NEBL: variants seen among roughly 807,000 people sequenced by gnomAD.
The protein encoded by NEBL is nebulette.
In NEBL, 122 loss-of-function variants were observed where a neutral mutation model predicts 140.2. The observed-to-expected ratio is 0.87, with a 90% CI of 0.75 to 1.01. The LOEUF (loss-of-function observed/expected upper bound fraction) is 1.01, where lower values mean the gene tolerates loss of function less well. Ranked by LOEUF, NEBL falls within the 50% of genes least tolerant of loss-of-function variation. The pLI, the probability that NEBL is intolerant of heterozygous loss-of-function variation, is 0.00. For missense variants in NEBL, 1,365 were observed against 1,231.3 expected, an observed-to-expected ratio of 1.11 and a Z score of -1.62; for synonymous variants, 436 against 398.9, an observed-to-expected ratio of 1.09 and a Z score of -1.11.
intron 2 of NEBL, among the ~76,000 whole-genome samples, chr10:21,049,070 T>A (rs1834648495): frequency 6.6e-6 from 1 of 151,702 alleles, no homozygotes; most frequent in South Asian, 2.1e-4. Context: ...TTGCAAGAAC[T>A]TAATCTCTTT....
chr10:21,091,190 G>C (rs1004481889), intron 2 of NEBL, among the ~76,000 whole-genome samples: 1 of 152,100 alleles, frequency 6.6e-6, no homozygotes, highest in African/African-American at 2.4e-5. Flanking sequence ...AAACAAGTTC[G>C]TGTTTCACAT....
At chr10:21,238,859 G>GTGTGTC (rs1335375840) in intron 3 of NEBL, among the ~76,000 whole-genome samples, 1 of 151,920 alleles carries the variant, frequency 6.6e-6, no homozygotes, top group Admixed American at 6.6e-5. Context: ...ACTTTTCAAG[G>GTGTGTC]TGTGTCTGAT....
intron 2 of NEBL, among the ~76,000 whole-genome samples, chr10:21,122,238 C>G (rs960505210): frequency 3.3e-5 from 5 of 152,126 alleles, no homozygotes; most frequent in African/African-American, 1.2e-4. Context: ...GTTGGCCAGG[C>G]TGGTCTCAAA....
intron 4 of NEBL, among the ~76,000 whole-genome samples, chr10:20,907,637 T>C (rs16921240): frequency 0.09 from 13,655 of 152,226 alleles, 835 homozygotes; most frequent in East Asian, 0.16. Context: ...AGGAAGTATA[T>C]GAGATTTTTA....
chr10:21,290,213 A>G (rs1843123904), intron 1 of NEBL, among the ~76,000 whole-genome samples: 1 of 152,236 alleles, frequency 6.6e-6, no homozygotes, highest in Admixed American at 6.5e-5. Context: ...CAGCATAGAC[A>G]GTCTATCCAC....
chr10:21,126,025 C>G (rs1838812102), intron 2 of NEBL: 1 of 1,614,206 alleles, frequency 6.2e-7, no homozygotes, highest in Non-Finnish European at 8.5e-7. Flanking sequence ...CCGCAGCCAC[C>G]TGGCAAGCGT....
chr10:21,233,622 ATATC>A (rs1317227795), intron 3 of NEBL, among the ~76,000 whole-genome samples: 9 of 145,776 alleles, frequency 6.2e-5, no homozygotes, highest in African/African-American at 1.0e-4. Flanking sequence ...ATATAGATAT[ATATC>A]TATATAGAGA....
chr10:20,785,039 G>A lies in NEBL; in HGVS notation c.*708C>T, dbSNP rs140281057. ...ATGACATTATAATTTGCCCTTTGCAGAGTAGCTGTGAAGTTATTTGGTCCT... is the reference window on the plus strand; with the variant it reads ...ATGACATTATAATTTGCCCTTTGCAAAGTAGCTGTGAAGTTATTTGGTCCT... On this transcript the variant is annotated 3_prime_UTR_variant, in exon 28 of 28. Coordinates refer to ENST00000377122, the MANE Select transcript of NEBL (RefSeq NM_006393.3). 41 of 153,106 alleles carry A rather than the reference G, an allele frequency of 2.7e-4. No individual in the cohort carries two copies. Among genetic ancestry groups the A allele is most frequent in the African/African-American group, 8.7e-4 (36 of 41,564 alleles). The allele number at this position is 153,106 out of a possible 1,614,324, so 9.5% of individuals were successfully genotyped here. A position where few individuals can be genotyped will look rare whatever the true frequency, so the allele number is the denominator to read the frequency against.
intron 2 of NEBL, among the ~76,000 whole-genome samples, chr10:21,026,543 T>A (rs1347018534): frequency 1.3e-5 from 2 of 152,212 alleles, no homozygotes; most frequent in Admixed American, 6.5e-5. Flanking sequence ...ATATTCTAAA[T>A]CGATTATATC....
At chr10:20,881,324 G>A (rs1329798823) in intron 4 of NEBL, among the ~76,000 whole-genome samples, 1 of 152,180 alleles carries the variant, frequency 6.6e-6, no homozygotes, top group Non-Finnish European at 1.5e-5. Context: ...TGTAGGCACA[G>A]CTATAAGATA....
At chr10:21,196,468 C>G (rs534918413) in intron 3 of NEBL, among the ~76,000 whole-genome samples, 13 of 152,022 alleles carry the variant, frequency 8.6e-5, no homozygotes, top group Non-Finnish European at 1.5e-4. Context: ...CCTCAGCCTC[C>G]CAAGTACCTG....
intron 2 of NEBL, among the ~76,000 whole-genome samples, chr10:21,125,249 C>G (rs1264706918): frequency 6.6e-6 from 1 of 151,992 alleles, no homozygotes; most frequent in Non-Finnish European, 1.5e-5. Flanking sequence ...CACACACACA[C>G]AGCCACTGTG....
At chr10:21,018,771 T>C (rs996776951) in intron 3 of NEBL, among the ~76,000 whole-genome samples, 1 of 152,168 alleles carries the variant, frequency 6.6e-6, no homozygotes, top group Non-Finnish European at 1.5e-5. Flanking sequence ...TGGCTCACGC[T>C]GTAATCCCAG....
intron 26 of NEBL, among the ~76,000 whole-genome samples, chr10:20,807,623 A>C (rs1161833671): frequency 6.6e-6 from 1 of 152,170 alleles, no homozygotes; most frequent in African/African-American, 2.4e-5. Context: ...CCTCAGTCAC[A>C]TTACTTTTTA....
At chr10:20,939,135 G>C (rs901310651) in intron 4 of NEBL, among the ~76,000 whole-genome samples, 9 of 152,158 alleles carry the variant, frequency 5.9e-5, no homozygotes, top group African/African-American at 2.2e-4. Context: ...ACACATAACT[G>C]TCAGATTCAC....
intron 3 of NEBL, among the ~76,000 whole-genome samples, chr10:20,968,690 C>G (rs910401837): frequency 9.9e-5 from 15 of 152,116 alleles, no homozygotes; most frequent in African/African-American, 3.6e-4. Flanking sequence ...TTAACAGAAG[C>G]CTAAAATCTC....
At chr10:20,953,913 G>A (rs989596215) in intron 4 of NEBL, among the ~76,000 whole-genome samples, 1 of 151,182 alleles carries the variant, frequency 6.6e-6, no homozygotes, top group Admixed American at 6.6e-5. Context: ...AGGCATAACC[G>A]ATCTTGCATT....
At chr10:21,132,224 T>C (rs1589266695) in intron 2 of NEBL, among the ~76,000 whole-genome samples, 1 of 152,208 alleles carries the variant, frequency 6.6e-6, no homozygotes, top group African/African-American at 2.4e-5. Flanking sequence ...TTCATATAAA[T>C]GGAATCATAT....
chr10:20,883,474 T>C (rs1846202745), intron 4 of NEBL, among the ~76,000 whole-genome samples: 4 of 152,204 alleles, frequency 2.6e-5, no homozygotes, highest in Admixed American at 2.6e-4. Context: ...AGAACCTCCA[T>C]TCAGGTGGAG....
Sources: gnomAD v4.1 joint callset for allele counts (sites outside exome capture counted in the v4.1 genomes callset) on GRCh38, gnomAD v4.1.1 for gene constraint, MANE v1.5 for transcripts, NCBI Gene and HGNC (gene_info 2026-07-23, HGNC 2026-07-21) for gene names.